The following ARB2A variants were observed in gnomAD, a reference collection of about 807,000 sequenced individuals.
The protein encoded by ARB2A is cotranscriptional regulator ARB2A.
the ARB2A span, among the ~76,000 whole-genome samples, chr5:93,684,144 T>C: frequency 6.6e-6 from 1 of 152,200 alleles, no homozygotes; most frequent in East Asian, 1.9e-4. Flanking sequence ...TAGCAGACAC[T>C]TGATACATAT....
chr5:94,034,330 C>G, the ARB2A span, among the ~76,000 whole-genome samples: 6 of 152,118 alleles, frequency 3.9e-5, no homozygotes, highest in Admixed American at 2.0e-4. Flanking sequence ...TTTTGAGGAA[C>G]ATGTTTAGAG....
At chr5:94,047,975 G>A in the ARB2A span, among the ~76,000 whole-genome samples, 1 of 150,918 alleles carries the variant, frequency 6.6e-6, no homozygotes, top group African/African-American at 2.4e-5. Flanking sequence ...TCTTTTCTAA[G>A]GCCATTATAG....
the ARB2A span, among the ~76,000 whole-genome samples, chr5:94,090,993 TA>T: frequency 6.6e-6 from 1 of 152,050 alleles, no homozygotes; most frequent in African/African-American, 2.4e-5. Flanking sequence ...GTCTTTGAAT[TA>T]AAAAAAACAT....
At chr5:93,755,109 C>A in the ARB2A span, among the ~76,000 whole-genome samples, 8 of 152,080 alleles carry the variant, frequency 5.3e-5, no homozygotes, top group Admixed American at 2.0e-4. Context: ...TATATAGTAC[C>A]ATGTGGAATT....
At chr5:93,771,117 A>G in the ARB2A span, among the ~76,000 whole-genome samples, 1 of 152,216 alleles carries the variant, frequency 6.6e-6, no homozygotes, top group Non-Finnish European at 1.5e-5. Context: ...AAACAGATCA[A>G]TGAAACAGAA....
the ARB2A span, among the ~76,000 whole-genome samples, chr5:94,104,467 G>A: frequency 2.0e-5 from 3 of 151,790 alleles, no homozygotes; most frequent in South Asian, 6.2e-4. Context: ...GAAGGAAATT[G>A]AAACCCTGAA....
the ARB2A span, among the ~76,000 whole-genome samples, chr5:94,008,336 G>T: frequency 1.4e-4 from 22 of 152,314 alleles, no homozygotes; most frequent in East Asian, 3.7e-3. Flanking sequence ...GCCAAAAGAA[G>T]TTCTTTGATG....
the ARB2A span, chr5:93,621,070 T>G: frequency 6.2e-7 from 1 of 1,612,038 alleles, no homozygotes; most frequent in Admixed American, 1.7e-5. Flanking sequence ...GAGGCTTCGG[T>G]AAAGAATTTG....
the ARB2A span, among the ~76,000 whole-genome samples, chr5:93,825,129 AAT>A: frequency 6.6e-6 from 1 of 152,214 alleles, no homozygotes; most frequent in Non-Finnish European, 1.5e-5. Context: ...TGTCCATTGA[AAT>A]ATGTGTTCTT....
At chr5:93,993,917 C>T in the ARB2A span, among the ~76,000 whole-genome samples, 26 of 151,956 alleles carry the variant, frequency 1.7e-4, no homozygotes, top group African/African-American at 5.8e-4. Context: ...AATAAATCAT[C>T]TTTTAAAATT....
chr5:93,848,324 A>G, the ARB2A span, among the ~76,000 whole-genome samples: 4 of 151,952 alleles, frequency 2.6e-5, no homozygotes, highest in Admixed American at 2.6e-4. Flanking sequence ...CGGAGGTTGC[A>G]GTGAGCTGAG....
the ARB2A span, among the ~76,000 whole-genome samples, chr5:93,975,750 C>T: frequency 2.0e-5 from 3 of 152,036 alleles, no homozygotes; most frequent in African/African-American, 4.8e-5. Context: ...ACAACAATAT[C>T]GAACAAGTGA....
the ARB2A span, among the ~76,000 whole-genome samples, chr5:93,879,915 G>C: frequency 1.3e-5 from 2 of 151,660 alleles, no homozygotes; most frequent in Non-Finnish European, 3.0e-5. Context: ...CTGGAATCTG[G>C]ATATCAGAGG....
the ARB2A span, among the ~76,000 whole-genome samples, chr5:93,996,428 G>A: frequency 6.6e-6 from 1 of 152,024 alleles, no homozygotes; most frequent in African/African-American, 2.4e-5. Flanking sequence ...ACTGACCTCA[G>A]GGTTGTGTGA....
the ARB2A span, chr5:93,741,381 C>T: frequency 1.4e-5 from 22 of 1,612,628 alleles, no homozygotes; most frequent in Non-Finnish European, 1.9e-5. Flanking sequence ...GGGGAATCCT[C>T]CACACGTCAG....
At chr5:93,884,157 T>A in the ARB2A span, among the ~76,000 whole-genome samples, 1 of 151,672 alleles carries the variant, frequency 6.6e-6, no homozygotes, top group East Asian at 1.9e-4. Flanking sequence ...GTATAATGAA[T>A]AAATCTCAAA....
chr5:94,039,025 G>T, the ARB2A span, among the ~76,000 whole-genome samples: 1 of 152,140 alleles, frequency 6.6e-6, no homozygotes, highest in Admixed American at 6.5e-5. Flanking sequence ...AAGACCTGAT[G>T]AAATCCTTTC....
At chr5:93,834,162 TAAG>T in the ARB2A span, among the ~76,000 whole-genome samples, 1 of 152,134 alleles carries the variant, frequency 6.6e-6, no homozygotes, top group Non-Finnish European at 1.5e-5. Flanking sequence ...GGTTTAAGGG[TAAG>T]AAGAAGAAAG....
the ARB2A span, chr5:93,964,599 T>C: frequency 1.1e-6 from 1 of 920,264 alleles, no homozygotes; most frequent in Non-Finnish European, 1.7e-6. Context: ...TGGTAAATTG[T>C]TGCAAGTTAT....
Sources: allele counts gnomAD v4.1 joint callset (sites outside exome capture counted in the v4.1 genomes callset), GRCh38; gene constraint gnomAD v4.1.1; transcripts MANE v1.5; gene names NCBI Gene and HGNC (gene_info 2026-07-23, HGNC 2026-07-21).